KCNJ3: variants seen among roughly 807,000 people sequenced by gnomAD.
KCNJ3 encodes the protein G protein-activated inward rectifier potassium channel 1.
Under a neutral mutation model 39.2 loss-of-function variants are expected in KCNJ3, and 4 were observed. That is an observed-to-expected ratio of 0.10 (90% CI 0.05 to 0.23). The LOEUF (loss-of-function observed/expected upper bound fraction) is 0.23, where lower values mean the gene tolerates loss of function less well. Ranked by LOEUF, KCNJ3 falls within the 10% of genes least tolerant of loss-of-function variation. KCNJ3 has a pLI of 1.00. For missense variants in KCNJ3, 276 were observed against 634.9 expected (o/e 0.43, Z 6.08); for synonymous variants, 230 against 237.4 (o/e 0.97, Z 0.29).
intron 2 of KCNJ3, among the ~76,000 whole-genome samples, chr2:154,716,672 T>A (rs545005819): frequency 1.3e-5 from 2 of 152,340 alleles, no homozygotes; most frequent in Admixed American, 1.3e-4. Context: ...TCAAGTGTTT[T>A]ACTACATCTC....
At chr2:154,804,498 G>T (rs1167597532) in intron 2 of KCNJ3, among the ~76,000 whole-genome samples, 4 of 152,094 alleles carry the variant, frequency 2.6e-5, no homozygotes, top group Admixed American at 2.0e-4. Flanking sequence ...TGTAATGGGA[G>T]GAAATAGTCA....
intron 2 of KCNJ3, among the ~76,000 whole-genome samples, chr2:154,824,785 G>A (rs902295333): frequency 1.3e-5 from 2 of 152,102 alleles, no homozygotes; most frequent in African/African-American, 2.4e-5. Flanking sequence ...TGCAGAAACC[G>A]CATGAATAGT....
At chr2:154,729,758 A>C (rs1034803170) in intron 2 of KCNJ3, among the ~76,000 whole-genome samples, 1 of 152,226 alleles carries the variant, frequency 6.6e-6, no homozygotes, top group Admixed American at 6.5e-5. Context: ...TTAAAAACAG[A>C]GTGAATAAGA....
rs891015103 is a variant in KCNJ3 at position 154,699,795 on chromosome 2, T to C, written c.702+318T>C. Among the ~76,000 whole-genome samples, 6 of 152,192 alleles carry C rather than the reference T, an allele frequency of 3.9e-5. No homozygotes were observed. Among genetic ancestry groups the C allele is most frequent in the South Asian group, 2.1e-4 (1 of 4,834 alleles). The stretch of plus-strand genomic sequence containing the variant: ...GCAATTAGTGCCCTGTTCGCCTTCC[T>C]GTCCCTGTTGCTTCGCTATTCAGAG... On this transcript the variant is annotated intron_variant, in intron 1 of 2. Transcript: ENST00000295101. This position sits in a 1 kb window ranked among gnomAD's most constrained non-coding sequence, Gnocchi z 6.4.
intron 2 of KCNJ3, among the ~76,000 whole-genome samples, chr2:154,745,299 A>C (rs1277628630): frequency 1.3e-5 from 2 of 152,032 alleles, no homozygotes; most frequent in Non-Finnish European, 2.9e-5. Context: ...TGTTTTATCA[A>C]TTGTGGAAAG....
intron 2 of KCNJ3, among the ~76,000 whole-genome samples, chr2:154,775,952 T>G (rs1686325293): frequency 6.6e-6 from 1 of 152,152 alleles, no homozygotes; most frequent in Admixed American, 6.5e-5. Flanking sequence ...AGTAGTATTT[T>G]TATTTTTCAG....
intron 2 of KCNJ3, among the ~76,000 whole-genome samples, chr2:154,743,834 T>C (rs1685693425): frequency 6.6e-6 from 1 of 151,648 alleles, no homozygotes; most frequent in Non-Finnish European, 1.5e-5. Flanking sequence ...TTTTGTTTTT[T>C]TTCTTCCCAT....
chr2:154,837,159 G>GTAA (rs1687482258), intron 2 of KCNJ3, among the ~76,000 whole-genome samples: 1 of 152,080 alleles, frequency 6.6e-6, no homozygotes, highest in South Asian at 2.1e-4. Flanking sequence ...TTTAGTAAAT[G>GTAA]TAACTAGATA....
intron 2 of KCNJ3, among the ~76,000 whole-genome samples, chr2:154,776,136 G>A (rs1479894531): frequency 6.6e-6 from 1 of 151,868 alleles, no homozygotes; most frequent in Non-Finnish European, 1.5e-5. Flanking sequence ...CAAGTAGCTG[G>A]GACTACAGGC....
chr2:154,751,035 A>C (rs1332778773), intron 2 of KCNJ3, among the ~76,000 whole-genome samples: 3 of 151,970 alleles, frequency 2.0e-5, no homozygotes. Context: ...AAGACTACAA[A>C]TCAGGTTCGG....
In KCNJ3 at chr2:154,857,886, C is replaced by CAAAAAAAAAAAAAAAAAAAAAAAA. The variant is rs70983747; in HGVS notation, c.*2591_*2614dup. On this transcript the variant is annotated 3_prime_UTR_variant, in exon 3 of 3. Transcript: ENST00000295101. ...ACAGTGCGAGACTCCATCTCAACAT[C>CAAAAAAAAAAAAAAAAAAAAAAAA]AAAAAAAAAAAAAAAAAAAAAAAAA... 10 of 41,976 alleles carry CAAAAAAAAAAAAAAAAAAAAAAAA rather than the reference C, an allele frequency of 2.4e-4. No individual in the cohort carries two copies. Among genetic ancestry groups the CAAAAAAAAAAAAAAAAAAAAAAAA allele is most frequent in the Non-Finnish European group, 2.9e-4 (7 of 24,262 alleles). The allele number at this position is 41,976 out of a possible 1,614,324, so 2.6% of individuals were successfully genotyped here. A position where few individuals can be genotyped will look rare whatever the true frequency, so the allele number is the denominator to read the frequency against.
chr2:154,792,423 A>C (rs1029381673), intron 2 of KCNJ3, among the ~76,000 whole-genome samples: 6 of 152,084 alleles, frequency 3.9e-5, no homozygotes, highest in Admixed American at 6.6e-5. Flanking sequence ...ACTGATTAAC[A>C]ACTGTGCTGA....
intron 2 of KCNJ3, among the ~76,000 whole-genome samples, chr2:154,804,232 G>A (rs931700989): frequency 4.6e-5 from 7 of 152,060 alleles, no homozygotes; most frequent in Non-Finnish European, 7.4e-5. Context: ...GGACATCCCC[G>A]ATGAATGTTG....
chr2:154,845,142 CAG>C (rs1209372215), intron 2 of KCNJ3, among the ~76,000 whole-genome samples: 3 of 152,132 alleles, frequency 2.0e-5, no homozygotes, highest in Admixed American at 1.3e-4. Context: ...TTTTTTGAGA[CAG>C]AGTCTGCTCA....
At chr2:154,776,489 G>A (rs1686337972) in intron 2 of KCNJ3, among the ~76,000 whole-genome samples, 1 of 150,924 alleles carries the variant, frequency 6.6e-6, no homozygotes, top group Non-Finnish European at 1.5e-5. Flanking sequence ...ATTAATTAGT[G>A]GATTTGAAGC....
At chr2:154,720,199 G>A (rs1685246287) in intron 2 of KCNJ3, among the ~76,000 whole-genome samples, 1 of 152,030 alleles carries the variant, frequency 6.6e-6, no homozygotes, top group Non-Finnish European at 1.5e-5. Flanking sequence ...GGGAGGGAAG[G>A]AAGGAAGACC....
chr2:154,790,852 C>T (rs1213377741), intron 2 of KCNJ3, among the ~76,000 whole-genome samples: 1 of 151,992 alleles, frequency 6.6e-6, no homozygotes, highest in Non-Finnish European at 1.5e-5. Flanking sequence ...GAAGATCTGC[C>T]TGTTTTGACA....
intron 2 of KCNJ3, among the ~76,000 whole-genome samples, chr2:154,843,857 G>A (rs1687620313): frequency 6.6e-6 from 1 of 151,998 alleles, no homozygotes; most frequent in African/African-American, 2.4e-5. Flanking sequence ...CTTTTTTCAA[G>A]GTTTTTACCT....
At chr2:154,722,900 A>G (rs893135553) in intron 2 of KCNJ3, among the ~76,000 whole-genome samples, 3 of 152,168 alleles carry the variant, frequency 2.0e-5, no homozygotes, top group Non-Finnish European at 4.4e-5. Flanking sequence ...TGTAACATTT[A>G]ATTTTTCCCT....
Sources: gnomAD v4.1 joint callset for allele counts (sites outside exome capture counted in the v4.1 genomes callset) on GRCh38, gnomAD v4.1.1 for gene constraint, Gnocchi (gnomAD v3.1) non-coding constraint, MANE v1.5 for transcripts, NCBI Gene and HGNC (gene_info 2026-07-23, HGNC 2026-07-21) for gene names.